ASAP3: variants seen among roughly 807,000 people sequenced by gnomAD.
ASAP3 encodes arf-GAP with SH3 domain, ANK repeat and PH domain-containing protein 3.
In ASAP3, 85 loss-of-function variants were observed where a neutral mutation model predicts 118.2. The observed-to-expected ratio is 0.72, with a 90% CI of 0.60 to 0.86. The LOEUF (loss-of-function observed/expected upper bound fraction) is 0.86. Among genes scored for constraint, ASAP3 ranks in the 40% least tolerant of loss-of-function variants. ASAP3 has a pLI of 0.00. For missense variants in ASAP3, 1,026 were observed against 1,175.0 expected (o/e 0.87, Z 1.85); for synonymous variants, 432 against 477.4 (o/e 0.90, Z 1.24).
At position 23,442,523 on chromosome 1, in the gene ASAP3, A is replaced by G. The variant is rs762445032; in HGVS notation, c.563T>C (p.Ile188Thr). Reference protein sequence around the residue: ...VAQDMQRERRIFQLHMCEYLL... With the variant: ...VAQDMQRERRTFQLHMCEYLL... ...TACCTCACACATGTGCAGCTGGAAG[A>G]TGCGCCGCTCTCTCTGCATGTCCTG... is the stretch of plus-strand genomic sequence containing the variant. Residue 188 changes from isoleucine (I) to threonine (T), a missense_variant, in exon 6 of 25, where the codon ATC becomes ACC. Transcript: ENST00000336689. 1 of 1,613,888 alleles carries G rather than the reference A, an allele frequency of 6.2e-7. No homozygotes were observed.
chr1:23,453,276 T>A (rs569571200), intron 3 of ASAP3, among the ~76,000 whole-genome samples: 1 of 152,266 alleles, frequency 6.6e-6, no homozygotes, highest in Non-Finnish European at 1.5e-5. Flanking sequence ...CCCCCTTTCC[T>A]GTGGGGAACT....
chr1:23,466,682 C>G (rs559325101), intron 1 of ASAP3, among the ~76,000 whole-genome samples: 3 of 152,226 alleles, frequency 2.0e-5, no homozygotes, highest in Non-Finnish European at 2.9e-5. Flanking sequence ...ATTCTTCATT[C>G]CCATGGTTTC....
intron 1 of ASAP3, among the ~76,000 whole-genome samples, chr1:23,476,387 C>T (rs1026180191): frequency 1.3e-5 from 2 of 151,814 alleles, no homozygotes; most frequent in Non-Finnish European, 2.9e-5. Context: ...ATGTGGGACA[C>T]AATCTTGAGC....
chr1:23,455,626 T>G (rs908680306), intron 3 of ASAP3, among the ~76,000 whole-genome samples: 1 of 152,118 alleles, frequency 6.6e-6, no homozygotes, highest in Non-Finnish European at 1.5e-5. Flanking sequence ...GGCTCTTCCC[T>G]GCTGTGAGAC....
intron 1 of ASAP3, among the ~76,000 whole-genome samples, chr1:23,480,489 T>C (rs1239487868): frequency 6.6e-6 from 1 of 152,166 alleles, no homozygotes; most frequent in Non-Finnish European, 1.5e-5. Context: ...TTCTCCCTCA[T>C]TGCACCAGTC....
At chr1:23,484,297 C>A (rs1279568549), upstream of ASAP3, 1 of 670,210 alleles carries the variant, frequency 1.5e-6, no homozygotes. Flanking sequence ...CGCTCCTCAG[C>A]TGGGACGGCC....
chr1:23,455,839 G>A, intron 3 of ASAP3, 42 bp downstream of exon 3: 1 of 1,611,142 alleles, frequency 6.2e-7, no homozygotes, highest in Admixed American at 1.7e-5. Flanking sequence ...AAGACCACTA[G>A]ATTTACCCTG....
At chr1:23,472,386 G>C (rs192378660) in intron 1 of ASAP3, among the ~76,000 whole-genome samples, 1 of 152,022 alleles carries the variant, frequency 6.6e-6, no homozygotes, top group Non-Finnish European at 1.5e-5. Flanking sequence ...TTGAGACCAG[G>C]GTGGTCTCAA....
In ASAP3 at chr1:23,436,713, A is replaced by C. The variant is rs1436269947; in HGVS notation, c.1477-59T>G. ...TAAGACCGGGCGGTTAAGCCTGCATAGGGTGGAGCTCCAAGCCCCCAGAGT... is the reference window on the plus strand; with the variant it reads ...TAAGACCGGGCGGTTAAGCCTGCATCGGGTGGAGCTCCAAGCCCCCAGAGT... On this transcript the variant is annotated intron_variant, in intron 15 of 24. Coordinates refer to ENST00000336689, the MANE Select transcript of ASAP3 (RefSeq NM_017707.4). This position sits in a 1 kb window ranked among gnomAD's most constrained non-coding sequence, Gnocchi z 4.2. 6.2e-7 allele frequency: 1 copy of C among 1,603,226 alleles called. No homozygotes were observed.
intron 1 of ASAP3, among the ~76,000 whole-genome samples, chr1:23,477,251 C>T (rs1382380692): frequency 6.6e-6 from 1 of 151,226 alleles, no homozygotes; most frequent in Non-Finnish European, 1.5e-5. Flanking sequence ...TCCTGACCTC[C>T]AGTGATCCAT....
chr1:23,438,867 T>C lies in ASAP3; in HGVS notation c.1015-33A>G, dbSNP rs751344000. 3.1e-6 allele frequency: 5 copies of C among 1,596,426 alleles called. No individual in the cohort carries two copies. In the Admixed American group the frequency reaches 5.0e-5, roughly 16 times the overall value. On this transcript the variant is annotated intron_variant, in intron 11 of 24. Coordinates refer to ENST00000336689, the MANE Select transcript of ASAP3 (RefSeq NM_017707.4). This position sits in a 1 kb window ranked among gnomAD's most constrained non-coding sequence, Gnocchi z 4.9. Reference sequence around the variant, plus strand: ...AATTTAGGGGCGGAGGATGTATGCATTACCTCTGGCCCTCCACATTCTTTA... The same window carrying C: ...AATTTAGGGGCGGAGGATGTATGCACTACCTCTGGCCCTCCACATTCTTTA...
At chr1:23,434,108 A>G (rs1409257516) in intron 19 of ASAP3, 146 bp downstream of exon 19, 2 of 733,836 alleles carry the variant, frequency 2.7e-6, no homozygotes, top group Non-Finnish European at 4.6e-6. Context: ...CAGATGAGGA[A>G]GCTGAAATTC....
intron 1 of ASAP3, among the ~76,000 whole-genome samples, chr1:23,468,637 C>T (rs1445419476): frequency 6.6e-6 from 1 of 151,554 alleles, no homozygotes; most frequent in African/African-American, 2.4e-5. Context: ...CTTTGGGAGG[C>T]TGAGGTGGGA....
chr1:23,454,345 C>T (rs1641317293), intron 3 of ASAP3, among the ~76,000 whole-genome samples: 1 of 152,186 alleles, frequency 6.6e-6, no homozygotes, highest in Non-Finnish European at 1.5e-5. Flanking sequence ...TGATACCACA[C>T]CCAACTAATT....
rs2742960 is a variant in ASAP3, at chr1:23,483,115, T to C, written c.129+890A>G. Among the ~76,000 whole-genome samples, 191 of 152,334 alleles carry C rather than the reference T, an allele frequency of 1.3e-3. 2 individuals are homozygous for C. Among genetic ancestry groups the C allele is most frequent in the African/African-American group, 3.8e-3 (157 of 41,570 alleles). On this transcript the variant is annotated intron_variant, in intron 1 of 24. Transcript: ENST00000336689. The stretch of plus-strand genomic sequence containing the variant: ...TTCCTGACACTGGCGCAGGGTGTTA[T>C]GAACTACTGAGCTTTGTATCTGCCA...
At chr1:23,444,190 G>A (rs1393838778) in intron 5 of ASAP3, among the ~76,000 whole-genome samples, 1 of 152,158 alleles carries the variant, frequency 6.6e-6, no homozygotes, top group East Asian at 1.9e-4. Flanking sequence ...TTTTTAAGTG[G>A]AGACAGAAAG....
chr1:23,445,858 G>A (rs767716237), intron 5 of ASAP3, among the ~76,000 whole-genome samples: 5 of 151,594 alleles, frequency 3.3e-5, no homozygotes, highest in Non-Finnish European at 5.9e-5. Context: ...GCATGGTCCT[G>A]TAAGTCCCAG....
chr1:23,441,542 A>G (rs1640873582), intron 8 of ASAP3, 69 bp from the exon 9 acceptor site: 8 of 1,601,716 alleles, frequency 5.0e-6, no homozygotes, highest in East Asian at 2.2e-5. Flanking sequence ...CAGACCCAGA[A>G]GAGCAGAGCA....
intron 1 of ASAP3, among the ~76,000 whole-genome samples, chr1:23,475,194 T>A (rs1179064398): frequency 6.6e-6 from 1 of 152,188 alleles, no homozygotes; most frequent in African/African-American, 2.4e-5. Flanking sequence ...ACTACAGACT[T>A]TGAATCAGGA....
Sources: allele counts gnomAD v4.1 joint callset (sites outside exome capture counted in the v4.1 genomes callset), GRCh38; gene constraint gnomAD v4.1.1; non-coding constraint Gnocchi (gnomAD v3.1); transcripts MANE v1.5; gene names NCBI Gene and HGNC (gene_info 2026-07-23, HGNC 2026-07-21).